The following RAP1GAP2 variants were observed in gnomAD, a reference collection of about 807,000 sequenced individuals.
RAP1GAP2 encodes RAP1 GTPase activating protein 2, also known as rap1 GTPase-activating protein 2.
In RAP1GAP2, 27 loss-of-function variants were observed where a neutral mutation model predicts 95.0. The observed-to-expected ratio is 0.28, with a 90% CI of 0.21 to 0.39. RAP1GAP2 has a LOEUF of 0.39. Ranked by LOEUF, RAP1GAP2 falls within the 10% of genes least tolerant of loss-of-function variation. The pLI is 1.00. For missense variants in RAP1GAP2, 771 were observed against 970.0 expected (o/e 0.79, Z 2.72); for synonymous variants, 373 against 380.9 (o/e 0.98, Z 0.24).
At chr17:2,901,199 A>G (rs2042015315) in intron 2 of RAP1GAP2, among the ~76,000 whole-genome samples, 1 of 152,160 alleles carries the variant, frequency 6.6e-6, no homozygotes, top group Non-Finnish European at 1.5e-5. Flanking sequence ...CTAGGGAGGA[A>G]AAGAATCCCA....
intron 3 of RAP1GAP2, among the ~76,000 whole-genome samples, chr17:2,949,004 T>C (rs1345868257): frequency 6.6e-6 from 1 of 152,234 alleles, no homozygotes; most frequent in Non-Finnish European, 1.5e-5. Flanking sequence ...CTGCCCCTGC[T>C]ACCTGGGACC....
At chr17:2,916,910 C>T (rs56108384) in intron 3 of RAP1GAP2, among the ~76,000 whole-genome samples, 20,994 of 152,210 alleles carry the variant, frequency 0.14, 1,888 homozygotes, top group Non-Finnish European at 0.2. Flanking sequence ...GGCCCCAGAG[C>T]GGAGCCACGC....
chr17:2,958,962 C>G (rs1322392325), intron 4 of RAP1GAP2, among the ~76,000 whole-genome samples: 1 of 151,714 alleles, frequency 6.6e-6, no homozygotes, highest in Non-Finnish European at 1.5e-5. Flanking sequence ...GACTCATCTT[C>G]TACGCATTTA....
chr17:3,005,238 A>C lies in RAP1GAP2; in HGVS notation c.1201-131A>C, dbSNP rs1303186632. 4 of 926,696 alleles carry C rather than the reference A, an allele frequency of 4.3e-6. No individual in the cohort carries two copies. Among genetic ancestry groups the C allele is most frequent in the Middle Eastern group, 2.3e-4 (1 of 4,402 alleles). The allele number at this position is 926,696 out of a possible 1,614,324, so 57.4% of individuals were successfully genotyped here. The stretch of plus-strand genomic sequence containing the variant: ...CAGGGCCTGTGCTGGCGATGCTCAC[A>C]GGAGTATTTTGTTTGTGTTCTGGGA... On this transcript the variant is annotated intron_variant, in intron 14 of 24. Transcript: ENST00000254695. This position sits in a 1 kb window ranked among gnomAD's most constrained non-coding sequence, Gnocchi z 5.2.
At chr17:2,781,989 T>C (rs919326191) in intron 1 of RAP1GAP2, among the ~76,000 whole-genome samples, 1 of 152,222 alleles carries the variant, frequency 6.6e-6, no homozygotes, top group African/African-American at 2.4e-5. Flanking sequence ...TGCTCTGGGT[T>C]GTTCATGGGT....
chr17:2,840,437 A>C (rs564792997), intron 2 of RAP1GAP2, among the ~76,000 whole-genome samples: 90 of 152,080 alleles, frequency 5.9e-4, no homozygotes, highest in Admixed American at 1.0e-3. Context: ...TGTTGGGATT[A>C]CAGGCGTGAG....
rs180972249 is a variant in RAP1GAP2, at chr17:3,029,808, C to T, written c.2108-1114C>T. Among the ~76,000 whole-genome samples, 275 of 152,166 alleles carry T rather than the reference C, an allele frequency of 1.8e-3. 1 individual carries two copies. The highest frequency in any genetic ancestry group is 6.4e-3 in the African/African-American group (264 of 41,482). ...ACCGGGCTCTGCCACCACTCACACA[C>T]ACTTAACGGAATTTTATTATACGAT... On this transcript the variant is annotated intron_variant, in intron 22 of 24. Coordinates refer to ENST00000254695, the MANE Select transcript of RAP1GAP2 (RefSeq NM_015085.5). The surrounding 1 kb of genome is among the most constrained non-coding windows in gnomAD (Gnocchi z 4.4).
intron 3 of RAP1GAP2, among the ~76,000 whole-genome samples, chr17:2,913,868 A>T (rs2042474590): frequency 6.7e-6 from 1 of 150,296 alleles, no homozygotes; most frequent in African/African-American, 2.5e-5. Flanking sequence ...TGTCTGTTCT[A>T]GAACTTAATT....
At chr17:2,943,425 C>A (rs1420418637) in intron 3 of RAP1GAP2, among the ~76,000 whole-genome samples, 2 of 152,190 alleles carry the variant, frequency 1.3e-5, no homozygotes, top group Middle Eastern at 3.2e-3. Context: ...GTAATCCCAG[C>A]ACTTTGGGAG....
chr17:2,758,323 G>A (rs562217313), intron 1 of RAP1GAP2, among the ~76,000 whole-genome samples: 11 of 150,670 alleles, frequency 7.3e-5, no homozygotes, highest in East Asian at 2.0e-4. Context: ...CTACAGGTGC[G>A]CACCACCACG....
chr17:2,806,847 A>AT (rs928813613), intron 2 of RAP1GAP2, among the ~76,000 whole-genome samples: 10 of 146,412 alleles, frequency 6.8e-5, no homozygotes, highest in East Asian at 6.1e-4. Context: ...ATACCCAACT[A>AT]TTTTTTTTGT....
chr17:2,946,984 AC>A (rs2043720445), intron 3 of RAP1GAP2, among the ~76,000 whole-genome samples: 2 of 149,856 alleles, frequency 1.3e-5, no homozygotes, highest in African/African-American at 4.9e-5. Context: ...TGAACGCCTG[AC>A]CCCAGGTGAT....
rs534274124 is a variant in RAP1GAP2 at position 2,886,783 on chromosome 17, G to A, written c.81-18501G>A. Reference sequence around the variant, plus strand: ...TCAGCACACCAGAGCGGCAGGGGTCGGGGAGTGGGACTGAGGCCGAGGGAT... The same window carrying A: ...TCAGCACACCAGAGCGGCAGGGGTCAGGGAGTGGGACTGAGGCCGAGGGAT... On this transcript the variant is annotated intron_variant, in intron 2 of 24. Coordinates refer to ENST00000254695, the MANE Select transcript of RAP1GAP2 (RefSeq NM_015085.5). 6.6e-5 allele frequency among the ~76,000 whole-genome samples: 10 copies of A among 152,230 alleles called. No homozygotes were observed. In the East Asian group the frequency reaches 1.4e-3, roughly 21 times the overall value.
At chr17:2,917,368 T>G (rs1324250191) in intron 3 of RAP1GAP2, among the ~76,000 whole-genome samples, 1 of 151,990 alleles carries the variant, frequency 6.6e-6, no homozygotes, top group Non-Finnish European at 1.5e-5. Context: ...CCTCCCGGGT[T>G]CAAGCAATTC....
At chr17:2,939,210 C>G (rs928862060) in intron 3 of RAP1GAP2, among the ~76,000 whole-genome samples, 1 of 152,062 alleles carries the variant, frequency 6.6e-6, no homozygotes, top group African/African-American at 2.4e-5. Flanking sequence ...CTGCCTCACT[C>G]CCCCGAGTAG....
chr17:2,876,821 C>T (rs967329188), intron 2 of RAP1GAP2, among the ~76,000 whole-genome samples: 1 of 151,920 alleles, frequency 6.6e-6, no homozygotes, highest in Non-Finnish European at 1.5e-5. Context: ...TTTGGAATGC[C>T]CTTGGCTGAG....
intron 3 of RAP1GAP2, among the ~76,000 whole-genome samples, chr17:2,956,003 GT>G (rs1242872713): frequency 5.3e-5 from 8 of 152,322 alleles, no homozygotes; most frequent in African/African-American, 1.9e-4. Flanking sequence ...GGAATCGCGT[GT>G]CAGAGGTCCG....
intron 3 of RAP1GAP2, among the ~76,000 whole-genome samples, chr17:2,927,330 T>C (rs1408406651): frequency 1.3e-5 from 2 of 151,994 alleles, no homozygotes; most frequent in Non-Finnish European, 2.9e-5. Context: ...ATTTTTTGTA[T>C]TTTTAGTAGA....
At chr17:2,893,392 G>A (rs1337460810) in intron 2 of RAP1GAP2, among the ~76,000 whole-genome samples, 2 of 152,138 alleles carry the variant, frequency 1.3e-5, no homozygotes, top group African/African-American at 4.8e-5. Flanking sequence ...ATAAATGCGT[G>A]TGGTCAGTCT....
Sources: allele counts gnomAD v4.1 joint callset (sites outside exome capture counted in the v4.1 genomes callset), GRCh38; gene constraint gnomAD v4.1.1; non-coding constraint Gnocchi (gnomAD v3.1); transcripts MANE v1.5; gene names NCBI Gene and HGNC (gene_info 2026-07-23, HGNC 2026-07-21).